The following NSF variants were observed in gnomAD, a reference collection of about 807,000 sequenced individuals.
The protein encoded by NSF is N-ethylmaleimide sensitive factor, vesicle fusing ATPase, also known as vesicle-fusing ATPase.
In NSF, 14 loss-of-function variants were observed where a neutral mutation model predicts 50.3. That is an observed-to-expected ratio of 0.28 (90% CI 0.18 to 0.44). The LOEUF (loss-of-function observed/expected upper bound fraction) is 0.44, where lower values mean the gene tolerates loss of function less well. Among genes scored for constraint, NSF ranks in the 20% least tolerant of loss-of-function variants. The probability of loss-of-function intolerance (pLI) is 1.00; values close to 1 mark genes in which losing one functional copy is unlikely to be tolerated. For synonymous variants in NSF, 109 were observed against 175.7 expected (o/e 0.62, Z 3.00); for missense variants, 218 against 504.3 (o/e 0.43, Z 5.44).
chr17:46,730,582 G>A (rs1293954911), intron 17 of NSF, among the ~76,000 whole-genome samples: 2 of 152,070 alleles, frequency 1.3e-5, no homozygotes, highest in East Asian at 3.8e-4. Flanking sequence ...TTTGAGGGAA[G>A]GAACATTATC....
At chr17:46,734,501 A>G (rs749143810) in intron 17 of NSF, among the ~76,000 whole-genome samples, 1 of 152,120 alleles carries the variant, frequency 6.6e-6, no homozygotes, top group African/African-American at 2.4e-5. Flanking sequence ...TTTGCTTAGT[A>G]TAGTAGATTT....
At chr17:46,747,527 A>G (rs1366732340) in intron 17 of NSF, among the ~76,000 whole-genome samples, 2 of 152,170 alleles carry the variant, frequency 1.3e-5, no homozygotes, top group Non-Finnish European at 2.9e-5. Context: ...TGATCTGTCC[A>G]TCTCAGCCTC....
At chr17:46,722,966 A>T (rs760820963) in intron 15 of NSF, among the ~76,000 whole-genome samples, 1 of 152,188 alleles carries the variant, frequency 6.6e-6, no homozygotes, top group Non-Finnish European at 1.5e-5. Flanking sequence ...CAAGAACGTC[A>T]CTACTTGATA....
chr17:46,723,307 G>A (rs2058851857), intron 15 of NSF, among the ~76,000 whole-genome samples: 1 of 152,138 alleles, frequency 6.6e-6, no homozygotes, highest in African/African-American at 2.4e-5. Flanking sequence ...GCTTTTAGTA[G>A]AATTCTGAAA....
intron 1 of NSF, among the ~76,000 whole-genome samples, chr17:46,622,481 A>C (rs924262358): frequency 2.0e-5 from 3 of 149,296 alleles, no homozygotes; most frequent in African/African-American, 5.0e-5. Flanking sequence ...TAAATAAATA[A>C]ATAGATAAAT....
At chr17:46,728,785 A>C (rs1380753194) in intron 16 of NSF, 70 bp from the exon 17 acceptor site, 24 of 1,150,410 alleles carry the variant, frequency 2.1e-5, no homozygotes, top group East Asian at 1.5e-4. Context: ...AAAAAAAAAA[A>C]CAAAAACTGA....
intron 15 of NSF, among the ~76,000 whole-genome samples, chr17:46,721,059 C>A (rs926847680): frequency 1.1e-4 from 17 of 152,292 alleles, no homozygotes; most frequent in African/African-American, 3.8e-4. Flanking sequence ...CTTGCCGTGT[C>A]CTTGAGCACC....
intron 15 of NSF, among the ~76,000 whole-genome samples, chr17:46,716,834 G>A (rs541352526): frequency 6.6e-6 from 1 of 152,040 alleles, no homozygotes; most frequent in African/African-American, 2.4e-5. Flanking sequence ...TTATATATTG[G>A]GGATTACATT....
intron 15 of NSF, chr17:46,722,220 C>T (rs778931629): frequency 1.7e-5 from 24 of 1,399,404 alleles, no homozygotes; most frequent in Non-Finnish European, 2.4e-5. Flanking sequence ...ACCCAAATCT[C>T]GCGAGAGCAC....
intron 19 of NSF, among the ~76,000 whole-genome samples, chr17:46,754,370 GAGTGGGAGTCCA>G (rs1460885874): frequency 2.0e-5 from 3 of 152,020 alleles, no homozygotes; most frequent in Admixed American, 1.3e-4. Context: ...TCCGTGGTTG[GAGTGGGAGTCCA>G]ATTGCACATC....
chr17:46,724,571 T>C (rs1219668382), intron 15 of NSF, among the ~76,000 whole-genome samples: 1 of 152,186 alleles, frequency 6.6e-6, no homozygotes, highest in Admixed American at 6.5e-5. Context: ...TCCAAGGCAC[T>C]GGGGAAATAC....
intron 15 of NSF, among the ~76,000 whole-genome samples, chr17:46,716,557 T>C (rs1305618277): frequency 6.6e-6 from 1 of 152,078 alleles, no homozygotes; most frequent in Non-Finnish European, 1.5e-5. Flanking sequence ...GCGCCCGGCC[T>C]GCACCTCCAT....
intron 1 of NSF, among the ~76,000 whole-genome samples, chr17:46,597,680 C>CT: frequency 1.4e-5 from 1 of 70,964 alleles, no homozygotes; most frequent in Non-Finnish European, 2.5e-5. Context: ...TGTGTATAGA[C>CT]TTTATTATTT....
chr17:46,622,229 G>A (rs2058072684), intron 1 of NSF, among the ~76,000 whole-genome samples: 1 of 144,046 alleles, frequency 6.9e-6, no homozygotes. Flanking sequence ...AGACCGAGGT[G>A]GGTGGATCAC....
At chr17:46,703,658 G>C (rs569061934) in intron 12 of NSF, among the ~76,000 whole-genome samples, 1 of 144,774 alleles carries the variant, frequency 6.9e-6, no homozygotes, top group Non-Finnish European at 1.5e-5. Context: ...TCCAGCCTGG[G>C]GGACAGAGTG....
chr17:46,733,527 CAG>C, intron 17 of NSF, among the ~76,000 whole-genome samples: 1 of 152,198 alleles, frequency 6.6e-6, no homozygotes, highest in Non-Finnish European at 1.5e-5. Context: ...CTGTATGTAA[CAG>C]GGTAGCCTCG....
chr17:46,735,833 G>A (rs778907536), intron 17 of NSF, among the ~76,000 whole-genome samples: 4 of 152,014 alleles, frequency 2.6e-5, no homozygotes, highest in African/African-American at 7.2e-5. Context: ...TAATCCCAGC[G>A]ACTCGGGAAG....
intron 13 of NSF, among the ~76,000 whole-genome samples, chr17:46,708,824 T>TATA (rs1568038736): frequency 0.012 from 699 of 58,358 alleles, 2 homozygotes; most frequent in South Asian, 0.033. Context: ...ATATATATAT[T>TATA]TTTTTTTTTT....
At chr17:46,754,710 C>T (rs1293757715) in intron 19 of NSF, among the ~76,000 whole-genome samples, 2 of 152,212 alleles carry the variant, frequency 1.3e-5, no homozygotes, top group Admixed American at 6.5e-5. Flanking sequence ...TTCTTAGACT[C>T]ATGACACATT....
Sources: allele counts gnomAD v4.1 joint callset (sites outside exome capture counted in the v4.1 genomes callset), GRCh38; gene constraint gnomAD v4.1.1; transcripts MANE v1.5; gene names NCBI Gene and HGNC (gene_info 2026-07-23, HGNC 2026-07-21).